The following RPS6KC1 variants were observed in gnomAD, a reference collection of about 807,000 sequenced individuals.
The protein encoded by RPS6KC1 is ribosomal protein S6 kinase C1, also known as inactive ribosomal protein S6 kinase delta-1.
A neutral mutation model predicts 103.8 loss-of-function variants in RPS6KC1; 54 were observed. The observed-to-expected ratio is 0.52, with a 90% CI of 0.42 to 0.65. RPS6KC1 has a LOEUF of 0.65. Among genes scored for constraint, RPS6KC1 ranks in the 30% least tolerant of loss-of-function variants. RPS6KC1 has a pLI of 0.00. For synonymous variants in RPS6KC1, 439 were observed against 438.7 expected (o/e 1.00, Z -0.01); for missense variants, 1,151 against 1,253.8 (o/e 0.92, Z 1.24).
chr1:213,778,913 GA>G, the RPS6KC1 span, among the ~76,000 whole-genome samples: 1 of 152,068 alleles, frequency 6.6e-6, no homozygotes, highest in Non-Finnish European at 1.5e-5. Flanking sequence ...TAGAAGCTCT[GA>G]CACTTTGTTA....
At chr1:213,692,603 C>T in the RPS6KC1 span, among the ~76,000 whole-genome samples, 25 of 152,200 alleles carry the variant, frequency 1.6e-4, no homozygotes, top group African/African-American at 5.3e-4. Context: ...GCCAGCACTT[C>T]GGAGGGGCCA....
chr1:213,235,791 T>C (rs897846104), intron 10 of RPS6KC1, among the ~76,000 whole-genome samples: 25 of 152,124 alleles, frequency 1.6e-4, no homozygotes, highest in African/African-American at 6.0e-4. Context: ...TAAGATGTTA[T>C]TGGGGCATGC....
At chr1:213,337,698 A>G in the RPS6KC1 span, among the ~76,000 whole-genome samples, 1 of 152,144 alleles carries the variant, frequency 6.6e-6, no homozygotes. Flanking sequence ...GGTATATTGT[A>G]TACATCCACT....
the RPS6KC1 span, among the ~76,000 whole-genome samples, chr1:213,647,978 C>T: frequency 1.1e-4 from 17 of 152,298 alleles, no homozygotes; most frequent in African/African-American, 4.1e-4. Context: ...TACTCTCATT[C>T]CCTGCTCCAC....
At chr1:213,403,595 T>C in the RPS6KC1 span, among the ~76,000 whole-genome samples, 2,244 of 152,268 alleles carry the variant, frequency 0.015, 51 homozygotes, top group African/African-American at 0.051. Flanking sequence ...CTTGATGAAA[T>C]AGGTGCAGCT....
At chr1:213,586,853 T>C in the RPS6KC1 span, among the ~76,000 whole-genome samples, 163 of 152,314 alleles carry the variant, frequency 1.1e-3, no homozygotes, top group African/African-American at 3.8e-3. Flanking sequence ...CACACTGGCC[T>C]TATTGACCCA....
chr1:213,182,735 T>G (rs1046239207), intron 8 of RPS6KC1, among the ~76,000 whole-genome samples: 7 of 149,722 alleles, frequency 4.7e-5, no homozygotes, highest in East Asian at 1.9e-4. Context: ...TATAATGAGA[T>G]ATATATATGA....
the RPS6KC1 span, among the ~76,000 whole-genome samples, chr1:213,702,512 G>T: frequency 6.6e-6 from 1 of 151,906 alleles, no homozygotes; most frequent in African/African-American, 2.4e-5. Flanking sequence ...TGAAAATGGG[G>T]TGTTAAAGTC....
At chr1:213,285,622 C>T in the RPS6KC1 span, among the ~76,000 whole-genome samples, 112 of 151,930 alleles carry the variant, frequency 7.4e-4, no homozygotes, top group African/African-American at 2.6e-3. Flanking sequence ...TATATGCAAA[C>T]GATTTGCAAT....
the RPS6KC1 span, among the ~76,000 whole-genome samples, chr1:213,814,564 G>A: frequency 6.6e-6 from 1 of 152,208 alleles, no homozygotes; most frequent in Non-Finnish European, 1.5e-5. Context: ...GAATTAGCCA[G>A]AATGCCAGTT....
chr1:213,103,870 C>T (rs2082236415), intron 3 of RPS6KC1, among the ~76,000 whole-genome samples: 1 of 152,162 alleles, frequency 6.6e-6, no homozygotes, highest in Admixed American at 6.5e-5. Context: ...CTTTTGATCA[C>T]CTTGTAAAGC....
chr1:213,377,441 T>A, the RPS6KC1 span, among the ~76,000 whole-genome samples: 131,662 of 152,190 alleles, frequency 0.87, 57,036 homozygotes, highest in East Asian at 0.99. Context: ...GTTTCAGGTG[T>A]TCTGTGTTTT....
chr1:213,176,561 G>C, intron 8 of RPS6KC1, 69 bp downstream of exon 8: 1 of 1,033,616 alleles, frequency 9.7e-7, no homozygotes, highest in Non-Finnish European at 1.5e-6. Flanking sequence ...TGTCTTTGAA[G>C]CTTTGGATCT....
chr1:213,499,051 A>T, the RPS6KC1 span, among the ~76,000 whole-genome samples: 3 of 152,080 alleles, frequency 2.0e-5, no homozygotes, highest in Admixed American at 1.3e-4. Context: ...AAGTGCTGGG[A>T]TTACAAGCAT....
At chr1:213,600,154 C>A in the RPS6KC1 span, among the ~76,000 whole-genome samples, 1 of 152,104 alleles carries the variant, frequency 6.6e-6, no homozygotes, top group Non-Finnish European at 1.5e-5. Context: ...TGCCTTCCAC[C>A]ATGAGTGTAA....
At chr1:213,116,237 C>G (rs892390027) in intron 4 of RPS6KC1, among the ~76,000 whole-genome samples, 40 of 151,828 alleles carry the variant, frequency 2.6e-4, no homozygotes, top group African/African-American at 9.4e-4. Context: ...CTGGGTGCTC[C>G]TGTATTGGGT....
At chr1:213,790,812 C>CA in the RPS6KC1 span, among the ~76,000 whole-genome samples, 1 of 152,120 alleles carries the variant, frequency 6.6e-6, no homozygotes, top group Admixed American at 6.6e-5. Context: ...TAGTGAATGT[C>CA]AAGACATAAG....
chr1:213,380,981 C>T, the RPS6KC1 span, among the ~76,000 whole-genome samples: 5 of 152,168 alleles, frequency 3.3e-5, no homozygotes, highest in African/African-American at 7.2e-5. Flanking sequence ...AACAAGGATG[C>T]CTGGCTTGGC....
At chr1:213,348,545 A>G in the RPS6KC1 span, among the ~76,000 whole-genome samples, 1 of 152,202 alleles carries the variant, frequency 6.6e-6, no homozygotes. Flanking sequence ...GGTGGAGAAA[A>G]TATGCAAAAA....
Sources: gnomAD v4.1 joint callset for allele counts (sites outside exome capture counted in the v4.1 genomes callset) on GRCh38, gnomAD v4.1.1 for gene constraint, MANE v1.5 for transcripts, NCBI Gene and HGNC (gene_info 2026-07-23, HGNC 2026-07-21) for gene names.